The following TMED5 variants were observed in gnomAD, a reference collection of about 807,000 sequenced individuals.
The protein encoded by TMED5 is transmembrane emp24 domain-containing protein 5.
TMED5 carries 27 observed loss-of-function variants against 23.0 expected under a neutral mutation model. That is an observed-to-expected ratio of 1.17 (90% CI 0.86 to 1.62). The LOEUF (loss-of-function observed/expected upper bound fraction) is 1.62, where lower values mean the gene tolerates loss of function less well. TMED5 is among the 40% of genes most tolerant of loss of function. The pLI is 0.00. For synonymous variants in TMED5, 97 were observed against 100.8 expected (o/e 0.96, Z 0.23); for missense variants, 248 against 273.7 (o/e 0.91, Z 0.66).
intron 2 of TMED5, among the ~76,000 whole-genome samples, chr1:93,158,651 A>G (rs549042235): frequency 6.6e-6 from 1 of 151,624 alleles, no homozygotes; most frequent in African/African-American, 2.4e-5. Flanking sequence ...GCTCACTGCA[A>G]CCTCCGCCTC....
Position 93,151,614 on chromosome 1 carries a change from T to C in TMED5, c.*3056A>G, listed in dbSNP as rs1647875984. 6.6e-6 allele frequency: 1 copy of C among 152,182 alleles called. No homozygotes were observed. 9.4% of individuals were successfully genotyped at this position (152,182 alleles called of 1,614,324 possible). ...TACCAAACTTTAAGAACTGATTATC[T>C]TTCCTTTCATATATTTTGAGCAAAA... On this transcript the variant is annotated 3_prime_UTR_variant, in exon 4 of 4. Transcript: ENST00000370282.
chr1:93,159,546 A>G (rs1441244105), intron 2 of TMED5, among the ~76,000 whole-genome samples: 1 of 152,212 alleles, frequency 6.6e-6, no homozygotes, highest in Non-Finnish European at 1.5e-5. Context: ...GTGTCAGAAG[A>G]AGAATATATG....
At chr1:93,155,669 ATT>A (rs1286739457) in intron 3 of TMED5, among the ~76,000 whole-genome samples, 1 of 150,826 alleles carries the variant, frequency 6.6e-6, no homozygotes, top group Non-Finnish European at 1.5e-5. Flanking sequence ...TGTAGTATCT[ATT>A]TATATGTGTG....
chr1:93,154,708 T>G lies in TMED5; in HGVS notation c.652A>C (p.Lys218Gln), dbSNP rs148407916. Residue 218 changes from lysine (K) to glutamine (Q), a missense_variant, in exon 4 of 4, where the codon AAG becomes CAG. Coordinates refer to ENST00000370282, the MANE Select transcript of TMED5 (RefSeq NM_016040.5). Reference protein sequence around the residue: ...VVSAIQVYMLKSLFEDKRKSR... With the variant: ...VVSAIQVYMLQSLFEDKRKSR... ...TTCCTCTTATCTTCAAACAGACTCT[T>G]CAGCATATAAACTTGAATGGCTGAC... 1.2e-6 allele frequency: 2 copies of G among 1,614,016 alleles called. No individual in the cohort carries two copies. Among genetic ancestry groups the G allele is most frequent in the African/African-American group, 2.7e-5 (2 of 75,058 alleles).
intron 1 of TMED5, among the ~76,000 whole-genome samples, chr1:93,170,481 C>T (rs1648683302): frequency 6.6e-6 from 1 of 152,206 alleles, no homozygotes; most frequent in African/African-American, 2.4e-5. Flanking sequence ...TTGGGACCTG[C>T]AGCCCGCCAT....
intron 3 of TMED5, among the ~76,000 whole-genome samples, chr1:93,155,364 G>A (rs1043451874): frequency 1.3e-5 from 2 of 152,080 alleles, no homozygotes; most frequent in Non-Finnish European, 2.9e-5. Flanking sequence ...TTATATAATA[G>A]TTCTCCTGAC....
intron 3 of TMED5, 132 bp from the exon 4 acceptor site, chr1:93,155,020 CT>C: frequency 3.1e-6 from 2 of 651,338 alleles, no homozygotes; most frequent in Non-Finnish European, 5.2e-6. Flanking sequence ...AGGAGGACCC[CT>C]TGAACCCAGG....
chr1:93,167,937 A>AG (rs1648565940), intron 1 of TMED5, among the ~76,000 whole-genome samples: 2 of 152,246 alleles, frequency 1.3e-5, no homozygotes, highest in South Asian at 4.1e-4. Context: ...TTCTATACCC[A>AG]GTGTTTTGAG....
At chr1:93,156,233 T>C in intron 3 of TMED5, 67 bp downstream of exon 3, 2 of 1,412,100 alleles carry the variant, frequency 1.4e-6, no homozygotes, top group Non-Finnish European at 2.0e-6. Flanking sequence ...CTTAGTTCAG[T>C]AACTTATTAC....
chr1:93,157,155 A>G (rs1439351560), intron 2 of TMED5, among the ~76,000 whole-genome samples: 1 of 152,068 alleles, frequency 6.6e-6, no homozygotes, highest in Non-Finnish European at 1.5e-5. Flanking sequence ...CTGAGATTAA[A>G]CTGAGTTTTG....
At chr1:93,158,293 G>T (rs1223395185) in intron 2 of TMED5, among the ~76,000 whole-genome samples, 17 of 152,106 alleles carry the variant, frequency 1.1e-4, no homozygotes, top group Admixed American at 1.1e-3. Flanking sequence ...TACGTCATAG[G>T]ACTGTGGTTA....
In TMED5 at chr1:93,161,632, C is replaced by T. The variant is rs556913498; in HGVS notation, c.190-1406G>A. 13 of 152,302 alleles carry T rather than the reference C, an allele frequency of 8.5e-5. 1 individual carries two copies. The highest frequency in any genetic ancestry group is 3.1e-4 in the African/African-American group (13 of 41,562). 9.4% of individuals were successfully genotyped at this position (152,302 alleles called of 1,614,324 possible). A position where few individuals can be genotyped will look rare whatever the true frequency, so the allele number is the denominator to read the frequency against. ...AATGGGTCAAGTCCTTTGAAATCTC[C>T]TCTGAATCCTCCTGTCCAGTTCTCT... On this transcript the variant is annotated intron_variant, in intron 1 of 3. Transcript: ENST00000370282.
intron 1 of TMED5, among the ~76,000 whole-genome samples, chr1:93,173,829 T>C (rs1648814355): frequency 6.6e-6 from 1 of 152,236 alleles, no homozygotes; most frequent in Admixed American, 6.5e-5. Context: ...ACCATGACAT[T>C]TTAATTAAAT....
intron 1 of TMED5, among the ~76,000 whole-genome samples, chr1:93,164,898 C>T (rs1410403663): frequency 6.6e-6 from 1 of 152,204 alleles, no homozygotes; most frequent in Non-Finnish European, 1.5e-5. Flanking sequence ...AAGATTGTAA[C>T]TTCCGTCTTG....
chr1:93,174,722 C>T (rs1436155744), intron 1 of TMED5, among the ~76,000 whole-genome samples: 3 of 152,176 alleles, frequency 2.0e-5, no homozygotes, highest in Non-Finnish European at 4.4e-5. Context: ...GCTCTCACTT[C>T]TAAGTGAGAA....
At chr1:93,160,058 AC>A in intron 2 of TMED5, 70 bp downstream of exon 2, 1 of 877,496 alleles carries the variant, frequency 1.1e-6, no homozygotes, top group South Asian at 1.4e-5. Context: ...AAATGTGCTA[AC>A]TTTCCATGCC....
chr1:93,175,322 C>T (rs867437536), intron 1 of TMED5, among the ~76,000 whole-genome samples: 1 of 140,698 alleles, frequency 7.1e-6, no homozygotes, highest in Non-Finnish European at 1.6e-5. Context: ...TATATACACA[C>T]ACACACACAC....
At chr1:93,157,862 C>T (rs1293496348) in intron 2 of TMED5, among the ~76,000 whole-genome samples, 2 of 152,170 alleles carry the variant, frequency 1.3e-5, no homozygotes, top group Non-Finnish European at 2.9e-5. Context: ...CAGTGGCTCA[C>T]GCCTATAATC....
At chr1:93,166,001 G>T (rs1648489526) in intron 1 of TMED5, among the ~76,000 whole-genome samples, 1 of 152,074 alleles carries the variant, frequency 6.6e-6, no homozygotes. Context: ...CCACAAATAA[G>T]TGAGAACGTG....
Sources: allele counts gnomAD v4.1 joint callset (sites outside exome capture counted in the v4.1 genomes callset), GRCh38; gene constraint gnomAD v4.1.1; transcripts MANE v1.5; gene names NCBI Gene and HGNC (gene_info 2026-07-23, HGNC 2026-07-21).